The following PLD5 variants were observed in gnomAD, a reference collection of about 807,000 sequenced individuals.
PLD5 encodes the protein phospholipase D family member 5.
A neutral mutation model predicts 61.1 loss-of-function variants in PLD5; 36 were observed. The ratio of observed to expected loss-of-function variants is 0.59; its 90% confidence interval spans 0.45 to 0.78. The LOEUF (loss-of-function observed/expected upper bound fraction) is 0.78, where lower values mean the gene tolerates loss of function less well. Ranked by LOEUF, PLD5 falls within the 30% of genes least tolerant of loss-of-function variation. The pLI, the probability that PLD5 is intolerant of heterozygous loss-of-function variation, is 0.00. For missense variants in PLD5, 515 were observed against 644.4 expected (o/e 0.80, Z 2.17); for synonymous variants, 243 against 242.8 (o/e 1.00, Z -0.01).
At position 242,346,512 on chromosome 1, in the gene PLD5, G is replaced by T. The variant is rs549537071; in HGVS notation, c.326+1594C>A. On this transcript the variant is annotated intron_variant, in intron 2 of 9. Coordinates refer to ENST00000536534, the MANE Select transcript of PLD5 (RefSeq NM_001372062.1). The stretch of plus-strand genomic sequence containing the variant: ...ATGGGCCCCTTGTCTATGTATATTT[G>T]ACAAGTAACAGCATTAGCAAAAGAT... Among the ~76,000 whole-genome samples the T allele has an allele frequency of 2.0e-5, 3 of 152,284 alleles. No homozygotes were observed. The East Asian group carries it at 5.8e-4, about 29-fold the overall frequency.
In PLD5 at chr1:242,083,910, G is replaced by A. The variant is rs979084086; in HGVS notation, c.*5944C>T. 1.2e-4 allele frequency: 18 copies of A among 152,168 alleles called. No individual in the cohort carries two copies. The highest frequency in any genetic ancestry group is 4.3e-4 in the African/African-American group (18 of 41,444). The allele number at this position is 152,168 out of a possible 1,614,324, so 9.4% of individuals were successfully genotyped here. On this transcript the variant is annotated 3_prime_UTR_variant, in exon 10 of 10. Transcript: ENST00000536534. ...AAACTCTAAATTAGAAACCATCTGT[G>A]TTTGTCTTGCAAGGGGCTCAGAATG... is the stretch of plus-strand genomic sequence containing the variant.
rs536339019 is a variant in PLD5, at chr1:242,162,431, T to C, written c.736-37766A>G. Among the ~76,000 whole-genome samples, 69 of 152,276 alleles carry C rather than the reference T, an allele frequency of 4.5e-4. 1 individual carries two copies. Among genetic ancestry groups the C allele is most frequent in the African/African-American group, 1.5e-3 (64 of 41,546 alleles). ...ACAACCATTACAGGAAGCAGGTCAA[T>C]ATGATTATTGTCAGTCACTCTGTAA... On this transcript the variant is annotated intron_variant, in intron 5 of 9. Transcript: ENST00000536534.
At chr1:242,486,382 C>T (rs1667961069) in intron 1 of PLD5, among the ~76,000 whole-genome samples, 1 of 151,928 alleles carries the variant, frequency 6.6e-6, no homozygotes, top group Admixed American at 6.6e-5. Context: ...AAAACAACCC[C>T]ATCAAAAAGT....
At chr1:242,287,080 C>G (rs1380045897) in intron 3 of PLD5, among the ~76,000 whole-genome samples, 2 of 152,232 alleles carry the variant, frequency 1.3e-5, no homozygotes, top group Admixed American at 6.5e-5. Context: ...TGCTAGGATT[C>G]CAGAGCTCTT....
intron 1 of PLD5, among the ~76,000 whole-genome samples, chr1:242,379,878 T>C (rs1160390702): frequency 1.3e-5 from 2 of 152,178 alleles, no homozygotes; most frequent in East Asian, 1.9e-4. Context: ...TATGACCCAG[T>C]TTACCTTTTA....
intron 1 of PLD5, among the ~76,000 whole-genome samples, chr1:242,413,241 G>A (rs1252219004): frequency 1.3e-5 from 2 of 151,610 alleles, no homozygotes; most frequent in African/African-American, 2.4e-5. Flanking sequence ...TTTGAGGTTG[G>A]CATTCTCAGT....
chr1:242,127,250 C>T (rs989974364), intron 5 of PLD5, among the ~76,000 whole-genome samples: 2 of 152,166 alleles, frequency 1.3e-5, no homozygotes, highest in African/African-American at 4.8e-5. Flanking sequence ...TGTGGAGATT[C>T]CTTAAAGAAT....
At chr1:242,411,425 C>T (rs1042270543) in intron 1 of PLD5, among the ~76,000 whole-genome samples, 15 of 152,004 alleles carry the variant, frequency 9.9e-5, no homozygotes, top group Admixed American at 2.6e-4. Context: ...TTAGTAGAGG[C>T]GGGGTTTCAC....
chr1:242,270,835 A>C (rs113587019), intron 3 of PLD5, among the ~76,000 whole-genome samples: 5 of 152,182 alleles, frequency 3.3e-5, no homozygotes, highest in African/African-American at 9.7e-5. Flanking sequence ...ATCCAATGCT[A>C]TATCTCCAGT....
At chr1:242,510,200 A>T (rs1188873148) in intron 1 of PLD5, among the ~76,000 whole-genome samples, 1 of 152,126 alleles carries the variant, frequency 6.6e-6, no homozygotes, top group Admixed American at 6.5e-5. Flanking sequence ...CACGCAGGCC[A>T]AATATTCTAA....
intron 4 of PLD5, among the ~76,000 whole-genome samples, chr1:242,253,806 A>T (rs1024327507): frequency 6.6e-6 from 1 of 152,204 alleles, no homozygotes; most frequent in African/African-American, 2.4e-5. Context: ...AACCTGTAGC[A>T]CAAGATTCTA....
chr1:242,476,783 T>C (rs1362916348), intron 1 of PLD5, among the ~76,000 whole-genome samples: 1 of 152,196 alleles, frequency 6.6e-6, no homozygotes, highest in Non-Finnish European at 1.5e-5. Context: ...TTTTTTTCAT[T>C]GATTGATGTG....
At position 242,086,296 on chromosome 1, in the gene PLD5, GA is replaced by G. The variant is rs1253662451; in HGVS notation, c.*3557del. The stretch of plus-strand genomic sequence containing the variant: ...TCTTTGTCTGCTTTGACTTGTTAAA[GA>G]CGCTGGTTTTCATTCTCTGTGCCAC... On this transcript the variant is annotated 3_prime_UTR_variant, in exon 10 of 10. Coordinates refer to ENST00000536534, the MANE Select transcript of PLD5 (RefSeq NM_001372062.1). 6.6e-6 allele frequency: 1 copy of G among 152,198 alleles called. No homozygotes were observed. Among genetic ancestry groups the G allele is most frequent in the African/African-American group, 2.4e-5 (1 of 41,448 alleles). 9.4% of individuals were successfully genotyped at this position (152,198 alleles called of 1,614,324 possible).
chr1:242,329,649 G>C (rs1283823868), intron 2 of PLD5, among the ~76,000 whole-genome samples: 1 of 152,178 alleles, frequency 6.6e-6, no homozygotes, highest in Admixed American at 6.5e-5. Flanking sequence ...TTGACTGTCT[G>C]CCTTAGGAGA....
At chr1:242,276,970 T>C (rs1434203896) in intron 3 of PLD5, among the ~76,000 whole-genome samples, 1 of 152,032 alleles carries the variant, frequency 6.6e-6, no homozygotes, top group African/African-American at 2.4e-5. Context: ...ATGAATATGC[T>C]CATCATGCCA....
intron 4 of PLD5, among the ~76,000 whole-genome samples, chr1:242,249,737 C>T (rs1481892655): frequency 2.1e-4 from 32 of 152,274 alleles, no homozygotes; most frequent in Non-Finnish European, 3.5e-4. Flanking sequence ...TAGAAAAAAA[C>T]ATTCAAAATG....
rs200806565 is a variant in PLD5, at chr1:242,445,256, CAG to C, written c.189+78830_189+78831del. 1.9e-3 allele frequency among the ~76,000 whole-genome samples: 289 copies of C among 152,292 alleles called. 4 individuals are homozygous for C. The East Asian group carries it at 0.046, about 24-fold the overall frequency. ...CAGCGAGAAGGCATCATCTATTAAG[CAG>C]AGAGTTGGCCCTCACCAGACACCAA... On this transcript the variant is annotated intron_variant, in intron 1 of 9. Transcript: ENST00000536534.
intron 5 of PLD5, among the ~76,000 whole-genome samples, chr1:242,128,027 C>T (rs997745943): frequency 2.6e-5 from 4 of 152,134 alleles, no homozygotes; most frequent in African/African-American, 9.7e-5. Context: ...GTGGCAAACA[C>T]TAATGCTTGG....
At chr1:242,100,404 G>A (rs973826874) in intron 9 of PLD5, among the ~76,000 whole-genome samples, 1 of 152,192 alleles carries the variant, frequency 6.6e-6, no homozygotes, top group African/African-American at 2.4e-5. Flanking sequence ...GTACAATGAG[G>A]CAAATGGACC....
Sources: gnomAD v4.1 joint callset for allele counts (sites outside exome capture counted in the v4.1 genomes callset) on GRCh38, gnomAD v4.1.1 for gene constraint, MANE v1.5 for transcripts, NCBI Gene and HGNC (gene_info 2026-07-23, HGNC 2026-07-21) for gene names.